The following ARHGAP6 variants were observed in gnomAD, a reference collection of about 807,000 sequenced individuals.
ARHGAP6 encodes rho GTPase-activating protein 6.
A neutral mutation model predicts 55.7 loss-of-function variants in ARHGAP6; 16 were observed. The ratio of observed to expected loss-of-function variants is 0.29; its 90% CI spans 0.19 to 0.44. The LOEUF is 0.44. Among genes scored for constraint, ARHGAP6 ranks in the 20% least tolerant of loss-of-function variants. The probability of loss-of-function intolerance (pLI) is 1.00; values close to 1 mark genes in which losing one functional copy is unlikely to be tolerated. For synonymous variants in ARHGAP6, 382 were observed against 360.9 expected, an observed-to-expected ratio of 1.06 and a Z score of -0.66; for missense variants, 698 against 808.9, an observed-to-expected ratio of 0.86 and a Z score of 1.66.
Position 11,138,088 on chromosome X carries a change from G to A in ARHGAP6, c.*775C>T, listed in dbSNP as rs1204654327. 8.9e-6 allele frequency: 1 copy of A among 111,827 alleles called. No homozygotes were observed. The highest frequency in any genetic ancestry group is 1.9e-5 in the Non-Finnish European group (1 of 53,136). 9.2% of individuals were successfully genotyped at this position (111,827 alleles called of 1,213,427 possible). A position where few individuals can be genotyped will look rare whatever the true frequency, so the allele number is the denominator to read the frequency against. On this transcript the variant is annotated 3_prime_UTR_variant, in exon 13 of 13. Transcript: ENST00000337414. The stretch of plus-strand genomic sequence containing the variant: ...TATATAAAACTGAATTTGATGTAAC[G>A]TGGGACGGACAACTTCTTAATTTCT...
intron 1 of ARHGAP6, among the ~76,000 whole-genome samples, chrX:11,347,246 C>T (rs183684878): frequency 1.2e-4 from 13 of 112,146 alleles, no homozygotes; most frequent in African/African-American, 4.2e-4. Context: ...AAAATAATTA[C>T]TTCTATAGGG....
intron 8 of ARHGAP6, 38 bp downstream of exon 8, chrX:11,178,062 G>A: frequency 8.3e-7 from 1 of 1,209,214 alleles, no homozygotes; most frequent in South Asian, 1.8e-5. Flanking sequence ...TAGGGGAGAG[G>A]AAGAGTCACG....
intron 1 of ARHGAP6, chrX:11,290,306 A>T: frequency 3.6e-6 from 1 of 278,902 alleles, no homozygotes; most frequent in Non-Finnish European, 7.0e-6. Flanking sequence ...TCATCAACAC[A>T]TTTATCTAGC....
intron 1 of ARHGAP6, among the ~76,000 whole-genome samples, chrX:11,533,089 T>C (rs1161593548): frequency 9.0e-6 from 1 of 111,641 alleles, no homozygotes; most frequent in Non-Finnish European, 1.9e-5. Context: ...GACAGACAGG[T>C]AAACTGAATA....
At chrX:11,541,831 G>A (rs1275337534) in intron 1 of ARHGAP6, among the ~76,000 whole-genome samples, 2 of 112,275 alleles carry the variant, frequency 1.8e-5, no homozygotes, top group African/African-American at 6.5e-5. Context: ...CAACTACATA[G>A]GATTGATATG....
intron 1 of ARHGAP6, among the ~76,000 whole-genome samples, chrX:11,312,020 A>G (rs2048307758): frequency 8.9e-6 from 1 of 112,096 alleles, no homozygotes; most frequent in African/African-American, 3.2e-5. Context: ...ATGCTTTCTC[A>G]AGACCTTATG....
chrX:11,300,455 C>T (rs1267561490), intron 1 of ARHGAP6: 14 of 462,985 alleles, frequency 3.0e-5, no homozygotes, highest in Admixed American at 7.5e-5. Flanking sequence ...CTAATGACAA[C>T]GAAATAACAA....
chrX:11,487,684 C>T (rs1424535133), intron 1 of ARHGAP6, among the ~76,000 whole-genome samples: 1 of 111,713 alleles, frequency 9.0e-6, no homozygotes, highest in Non-Finnish European at 1.9e-5. Flanking sequence ...AACCTTATCC[C>T]ACTGCTAAAT....
At chrX:11,592,078 T>C (rs184371913) in intron 1 of ARHGAP6, among the ~76,000 whole-genome samples, 1 of 111,500 alleles carries the variant, frequency 9.0e-6, no homozygotes, top group Admixed American at 9.5e-5. Context: ...GGAGACTAAG[T>C]AGGTAAGAAT....
chrX:11,511,962 G>C (rs1196856082), intron 1 of ARHGAP6, among the ~76,000 whole-genome samples: 1 of 111,069 alleles, frequency 9.0e-6, no homozygotes, highest in Non-Finnish European at 1.9e-5. Flanking sequence ...GAGTAGCTGG[G>C]ACTACAGGTG....
intron 1 of ARHGAP6, among the ~76,000 whole-genome samples, chrX:11,462,128 T>C (rs766350223): frequency 1.8e-5 from 2 of 112,452 alleles, no homozygotes; most frequent in South Asian, 3.7e-4. Context: ...GGGATACAGA[T>C]AGTAAGAGTG....
intron 1 of ARHGAP6, among the ~76,000 whole-genome samples, chrX:11,558,836 C>CAAAAAAAAAAAAAAAAA (rs58936931): frequency 1.7e-4 from 5 of 30,079 alleles, no homozygotes; most frequent in African/African-American, 2.5e-4. Context: ...GATTCCATCT[C>CAAAAAAAAAAAAAAAAA]AAAAAAAAAA....
chrX:11,480,213 T>C (rs1281318674), intron 1 of ARHGAP6, among the ~76,000 whole-genome samples: 3 of 111,729 alleles, frequency 2.7e-5, no homozygotes, highest in Non-Finnish European at 5.6e-5. Context: ...TTTCAACTGA[T>C]GAATGTAAAA....
intron 1 of ARHGAP6, among the ~76,000 whole-genome samples, chrX:11,303,705 G>A (rs188442347): frequency 9.0e-6 from 1 of 111,484 alleles, no homozygotes; most frequent in African/African-American, 3.3e-5. Flanking sequence ...CAGGCTCTGG[G>A]GGTGTCAGTT....
intron 1 of ARHGAP6, among the ~76,000 whole-genome samples, chrX:11,565,157 T>C (rs2051428996): frequency 8.9e-6 from 1 of 112,215 alleles, no homozygotes; most frequent in African/African-American, 3.2e-5. Flanking sequence ...TACTAGTCTT[T>C]TCCTATTTCA....
chrX:11,312,683 GGATGAT>G (rs199763222), intron 1 of ARHGAP6, among the ~76,000 whole-genome samples: 1 of 111,378 alleles, frequency 9.0e-6, no homozygotes, highest in Non-Finnish European at 1.9e-5. Flanking sequence ...GTGTTGTTGT[GGATGAT>G]GATGATGATT....
intron 1 of ARHGAP6, among the ~76,000 whole-genome samples, chrX:11,554,847 T>C (rs749490978): frequency 8.9e-6 from 1 of 111,944 alleles, no homozygotes; most frequent in African/African-American, 3.2e-5. Context: ...TTTGATAAAG[T>C]GTCAAAACGC....
chrX:11,590,603 G>C (rs2147128990), intron 1 of ARHGAP6, among the ~76,000 whole-genome samples: 1 of 106,438 alleles, frequency 9.4e-6, no homozygotes, highest in South Asian at 4.1e-4. Context: ...TGGCCAACAT[G>C]GTGAAACCCC....
intron 1 of ARHGAP6, among the ~76,000 whole-genome samples, chrX:11,447,757 C>A (rs1341766897): frequency 8.9e-6 from 1 of 112,223 alleles, no homozygotes; most frequent in Non-Finnish European, 1.9e-5. Flanking sequence ...CAAACAGTCA[C>A]AAAGCAAGAA....
Sources: gnomAD v4.1 joint callset for allele counts (sites outside exome capture counted in the v4.1 genomes callset) on GRCh38, gnomAD v4.1.1 for gene constraint, MANE v1.5 for transcripts, NCBI Gene and HGNC (gene_info 2026-07-23, HGNC 2026-07-21) for gene names.